WFDC1: variants seen among roughly 807,000 people sequenced by gnomAD.
WFDC1 encodes the protein WAP four-disulfide core domain protein 1.
In WFDC1, 39 loss-of-function variants were observed where a neutral mutation model predicts 32.9. That is an observed-to-expected ratio of 1.19 (90% CI 0.92 to 1.55). The LOEUF (loss-of-function observed/expected upper bound fraction) is 1.55. Among genes scored for constraint, WFDC1 ranks in the 40% most tolerant of loss-of-function variants. WFDC1 has a pLI of 0.00. For synonymous variants in WFDC1, 184 were observed against 137.4 expected, an observed-to-expected ratio of 1.34 and a Z score of -2.37; for missense variants, 386 against 309.5, an observed-to-expected ratio of 1.25 and a Z score of -1.85.
chr16:84,313,541 C>T (rs1907773602), intron 2 of WFDC1, among the ~76,000 whole-genome samples: 3 of 152,290 alleles, frequency 2.0e-5, no homozygotes, highest in African/African-American at 7.2e-5. Context: ...GATCAAGATT[C>T]GAGGCTTTTC....
chr16:84,306,853 C>T (rs996281146), intron 1 of WFDC1, among the ~76,000 whole-genome samples: 7 of 152,176 alleles, frequency 4.6e-5, no homozygotes, highest in South Asian at 4.1e-4. Flanking sequence ...CACTGTTCTA[C>T]GAGCCAGGGA....
chr16:84,313,279 C>A (rs934524210), intron 2 of WFDC1, 126 bp downstream of exon 2: 1 of 850,768 alleles, frequency 1.2e-6, no homozygotes, highest in African/African-American at 1.8e-5. Flanking sequence ...GGCGCCTCCA[C>A]TGCGCACCTG....
chr16:84,313,024 C>A lies in WFDC1; in HGVS notation c.208C>A (p.Pro70Thr), dbSNP rs1215281730. Residue 70 changes from proline to threonine, a missense_variant, in exon 2 of 7, where the codon CCG (proline) becomes ACG (threonine). Physicochemically the swap from Pro to Thr is conservative, Grantham distance 38. Coordinates refer to ENST00000219454, the MANE Select transcript of WFDC1 (RefSeq NM_021197.4). ...CCGAGCAGACCGCTGCCCGCCGCCT[C>A]CGCGGACGCTGCCCCCCGGCGCCTG... Reference protein sequence around the residue: ...QPRADRCPPPPRTLPPGACQA... With the variant: ...QPRADRCPPPTRTLPPGACQA... 3 of 1,323,302 alleles carry A rather than the reference C, an allele frequency of 2.3e-6. No homozygotes were observed. In the Admixed American group the frequency reaches 1.2e-4, roughly 52 times the overall value. The allele number at this position is 1,323,302 out of a possible 1,614,324, so 82.0% of individuals were successfully genotyped here. A position where few individuals can be genotyped will look rare whatever the true frequency, so the allele number is the denominator to read the frequency against.
intron 1 of WFDC1, among the ~76,000 whole-genome samples, chr16:84,298,861 A>T (rs560357436): frequency 1.3e-5 from 2 of 152,298 alleles, no homozygotes; most frequent in African/African-American, 4.8e-5. Flanking sequence ...TCTAATGAGA[A>T]GTGCCGGGTC....
At chr16:84,323,035 G>T (rs1489183427) in intron 4 of WFDC1, among the ~76,000 whole-genome samples, 1 of 152,166 alleles carries the variant, frequency 6.6e-6, no homozygotes, top group Admixed American at 6.5e-5. Flanking sequence ...GTCTCCTTGT[G>T]GTGTTATGGG....
At chr16:84,323,946 C>A (rs1207191439) in intron 4 of WFDC1, among the ~76,000 whole-genome samples, 2 of 152,174 alleles carry the variant, frequency 1.3e-5, no homozygotes, top group Admixed American at 6.5e-5. Flanking sequence ...CATGGCGATA[C>A]CCCATCTCTA....
At chr16:84,301,309 T>C (rs1405708073) in intron 1 of WFDC1, among the ~76,000 whole-genome samples, 2 of 152,200 alleles carry the variant, frequency 1.3e-5, no homozygotes, top group Non-Finnish European at 2.9e-5. Flanking sequence ...CAGTCTGCTC[T>C]GGGCATCAAG....
At chr16:84,315,315 C>G (rs779805503) in intron 2 of WFDC1, among the ~76,000 whole-genome samples, 10 of 152,208 alleles carry the variant, frequency 6.6e-5, no homozygotes, top group Non-Finnish European at 1.2e-4. Context: ...TTTAATTTTT[C>G]TCTGTAGCGT....
chr16:84,322,343 A>G (rs1352049637), intron 4 of WFDC1, among the ~76,000 whole-genome samples: 1 of 152,210 alleles, frequency 6.6e-6, no homozygotes, highest in Non-Finnish European at 1.5e-5. Context: ...TTTGAATTCC[A>G]GCAACTTCCC....
chr16:84,312,189 C>G (rs1412388733), intron 1 of WFDC1, among the ~76,000 whole-genome samples: 2 of 152,076 alleles, frequency 1.3e-5, no homozygotes, highest in African/African-American at 4.8e-5. Context: ...AACAAACAAA[C>G]AAAAAATACT....
At chr16:84,315,004 C>T (rs966503493) in intron 2 of WFDC1, among the ~76,000 whole-genome samples, 1 of 152,228 alleles carries the variant, frequency 6.6e-6, no homozygotes, top group South Asian at 2.1e-4. Flanking sequence ...AACTGAAGCT[C>T]AGAGAAGCTG....
rs67144104 is a variant in WFDC1, at chr16:84,311,695, CTTT to C, written c.145-1247_145-1245del. ...AGGAGAGAATGAGCATGCCTGACTG[CTTT>C]TTTTTTTTTTTTTTTTTTAGTGGAG... On this transcript the variant is annotated intron_variant, in intron 1 of 6. Transcript: ENST00000219454. Among the ~76,000 whole-genome samples the C allele has an allele frequency of 9.5e-5, 7 of 73,446 alleles. No homozygotes were observed. The East Asian group carries it at 1.6e-3, about 17-fold the overall frequency. The allele number at this position is 73,446 out of a possible 152,430, so 48.2% of individuals were successfully genotyped here.
chr16:84,327,040 C>G, intron 6 of WFDC1, 85 bp downstream of exon 6: 1 of 1,386,536 alleles, frequency 7.2e-7, no homozygotes, highest in Non-Finnish European at 1.0e-6. Context: ...GGTTGAGGAG[C>G]AGGAGGGTGA....
intron 4 of WFDC1, among the ~76,000 whole-genome samples, chr16:84,322,802 G>C (rs548371260): frequency 1.3e-5 from 2 of 152,270 alleles, no homozygotes; most frequent in South Asian, 4.1e-4. Context: ...AGGGAAAATC[G>C]GTGCATTTTT....
intron 1 of WFDC1, among the ~76,000 whole-genome samples, chr16:84,302,069 C>A (rs1906971433): frequency 6.6e-6 from 1 of 152,168 alleles, no homozygotes; most frequent in Non-Finnish European, 1.5e-5. Context: ...GGACACACGC[C>A]ATTGCACAGA....
chr16:84,323,178 G>A (rs979694805), intron 4 of WFDC1, among the ~76,000 whole-genome samples: 1 of 152,204 alleles, frequency 6.6e-6, no homozygotes, highest in Non-Finnish European at 1.5e-5. Context: ...TGACCCACCG[G>A]AGGGCCTGGA....
chr16:84,317,421 G>C (rs555743143), intron 2 of WFDC1: 1 of 152,296 alleles, frequency 6.6e-6, no homozygotes, highest in Admixed American at 6.5e-5. Flanking sequence ...TGACTGGTCA[G>C]GGCTAACCAG....
At chr16:84,318,570 G>A (rs1007709050) in intron 3 of WFDC1, 3 of 498,442 alleles carry the variant, frequency 6.0e-6, no homozygotes, top group South Asian at 2.4e-5. Flanking sequence ...TAAGGGCTTC[G>A]ACTCTCCCCA....
chr16:84,317,276 G>C (rs1244867852), intron 2 of WFDC1: 1 of 150,886 alleles, frequency 6.6e-6, no homozygotes, highest in South Asian at 2.1e-4. Flanking sequence ...CTGGGTGACA[G>C]AACAAGACTC....
Sources: gnomAD v4.1 joint callset for allele counts (sites outside exome capture counted in the v4.1 genomes callset) on GRCh38, gnomAD v4.1.1 for gene constraint, MANE v1.5 for transcripts, NCBI Gene and HGNC (gene_info 2026-07-23, HGNC 2026-07-21) for gene names.